Variants in CYYR1 observed in about 807,000 individuals in gnomAD.
CYYR1 encodes the protein cysteine and tyrosine-rich protein 1.
CYYR1 carries 14 observed loss-of-function variants against 15.2 expected under a neutral mutation model. The ratio of observed to expected loss-of-function variants is 0.92; its 90% CI spans 0.61 to 1.44. CYYR1 has a LOEUF of 1.44. CYYR1 is among the 40% of genes most tolerant of loss of function. CYYR1 has a pLI of 0.00. For missense variants in CYYR1, 228 were observed against 209.5 expected, an observed-to-expected ratio of 1.09 and a Z score of -0.54; for synonymous variants, 80 against 77.4, an observed-to-expected ratio of 1.03 and a Z score of -0.18.
intron 2 of CYYR1, among the ~76,000 whole-genome samples, chr21:26,527,169 TG>T (rs2065877395): frequency 6.6e-6 from 1 of 152,202 alleles, no homozygotes; most frequent in Admixed American, 6.5e-5. Context: ...TTTGGACATT[TG>T]GAACAAATTA....
chr21:26,551,319 C>G (rs1158925465), intron 2 of CYYR1: 2 of 152,684 alleles, frequency 1.3e-5, no homozygotes, highest in African/African-American at 4.8e-5. Context: ...CCGTTCTGTA[C>G]TCCATGGATC....
chr21:26,519,047 T>C (rs1012493180), intron 2 of CYYR1, among the ~76,000 whole-genome samples: 2 of 152,224 alleles, frequency 1.3e-5, no homozygotes, highest in African/African-American at 2.4e-5. Context: ...CCAAGTCTTA[T>C]ACATTTTTGT....
chr21:26,485,688 A>G (rs1421904863), intron 2 of CYYR1, among the ~76,000 whole-genome samples: 4 of 152,128 alleles, frequency 2.6e-5, no homozygotes, highest in African/African-American at 9.6e-5. Flanking sequence ...GCAGTCCATG[A>G]TATGGCTATA....
chr21:26,543,252 T>A (rs759506865), intron 2 of CYYR1, among the ~76,000 whole-genome samples: 1 of 152,098 alleles, frequency 6.6e-6, no homozygotes, highest in African/African-American at 2.4e-5. Context: ...AATACCTAAG[T>A]GGTGGGTTGA....
At chr21:26,493,506 A>G (rs961590417) in intron 2 of CYYR1, among the ~76,000 whole-genome samples, 1 of 152,170 alleles carries the variant, frequency 6.6e-6, no homozygotes, top group African/African-American at 2.4e-5. Context: ...ACCAAGTTCA[A>G]ACTCCTAAAG....
chr21:26,567,045 G>C (rs932163593), intron 1 of CYYR1, among the ~76,000 whole-genome samples: 7 of 151,092 alleles, frequency 4.6e-5, no homozygotes, highest in Admixed American at 4.6e-4. Context: ...TCTTACTTTA[G>C]GGTCTTGTAT....
intron 2 of CYYR1, among the ~76,000 whole-genome samples, chr21:26,515,521 C>T (rs1360440024): frequency 2.6e-5 from 4 of 151,922 alleles, no homozygotes; most frequent in African/African-American, 4.8e-5. Flanking sequence ...CCATCATGCC[C>T]GGCTAATTTT....
intron 2 of CYYR1, chr21:26,551,417 G>C (rs1288810567): frequency 6.6e-6 from 1 of 152,558 alleles, no homozygotes; most frequent in Admixed American, 6.5e-5. Context: ...TCCTGTGATG[G>C]ATCCGGGCAA....
chr21:26,504,224 G>GTATGTATTTATTTATTTATT (rs71329838), intron 2 of CYYR1, among the ~76,000 whole-genome samples: 2 of 150,444 alleles, frequency 1.3e-5, no homozygotes, highest in African/African-American at 4.9e-5. Flanking sequence ...TCTTTGTGAT[G>GTATGTATTTATTTATTTATT]TATTTATTTA....
At chr21:26,557,824 C>A (rs181314466) in intron 2 of CYYR1, among the ~76,000 whole-genome samples, 1 of 53,278 alleles carries the variant, frequency 1.9e-5, no homozygotes, top group African/African-American at 4.0e-5. Context: ...TCATACCCTA[C>A]AGGCTTTTCC....
In CYYR1 at chr21:26,467,254, TCA is replaced by T. The variant is rs2123343789; in HGVS notation, c.*1245_*1246del. The T allele has an allele frequency of 6.6e-6, 1 of 152,314 alleles. No individual in the cohort carries two copies. The highest frequency in any genetic ancestry group is 1.9e-4 in the East Asian group (1 of 5,186). 9.4% of individuals were successfully genotyped at this position (152,314 alleles called of 1,614,324 possible). A position where few individuals can be genotyped will look rare whatever the true frequency, so the allele number is the denominator to read the frequency against. ...ATAAAAATATAAATGTTAAGGTCAC[TCA>T]CAGCAAAATATGGCACATTAGAATT... is the stretch of plus-strand genomic sequence containing the variant. On this transcript the variant is annotated 3_prime_UTR_variant, in exon 4 of 4. Transcript: ENST00000652641.
chr21:26,503,298 T>G (rs1053286611), intron 2 of CYYR1, among the ~76,000 whole-genome samples: 6 of 152,148 alleles, frequency 3.9e-5, no homozygotes, highest in Admixed American at 2.0e-4. Context: ...TGTTTCACTT[T>G]TTAAAAAAAG....
At chr21:26,479,640 TAA>T (rs1392692496) in intron 3 of CYYR1, among the ~76,000 whole-genome samples, 1 of 152,188 alleles carries the variant, frequency 6.6e-6, no homozygotes, top group Non-Finnish European at 1.5e-5. Flanking sequence ...GTCAAATTAT[TAA>T]TATATTGCCC....
rs1022050534 is a variant in CYYR1, at chr21:26,572,749, GTCTGCAAAGGTCCT to G, written c.73+105_73+118del. On this transcript the variant is annotated intron_variant, in intron 1 of 3. Coordinates refer to ENST00000652641, the MANE Select transcript of CYYR1 (RefSeq NM_001320768.2). ...GTCGCCTCGCGGAAAAGGCAGAAGC[GTCTGCAAAGGTCCT>G]TCTGCAAAGGTCCCGGTCCGTCCAG... The G allele has an allele frequency of 9.1e-5, 113 of 1,236,770 alleles. No individual in the cohort carries two copies. The African/African-American group carries it at 1.5e-3, about 16-fold the overall frequency. The allele number at this position is 1,236,770 out of a possible 1,614,324, so 76.6% of individuals were successfully genotyped here.
intron 2 of CYYR1, among the ~76,000 whole-genome samples, chr21:26,515,559 G>T (rs1299384642): frequency 2.6e-5 from 4 of 151,954 alleles, no homozygotes; most frequent in Non-Finnish European, 4.4e-5. Flanking sequence ...ATGGGGTTTT[G>T]TCATGTTGCC....
intron 2 of CYYR1, among the ~76,000 whole-genome samples, chr21:26,485,953 C>T (rs529598769): frequency 1.3e-5 from 2 of 152,180 alleles, no homozygotes; most frequent in South Asian, 2.1e-4. Flanking sequence ...GTTTTATAAT[C>T]TGTTTTTTAG....
chr21:26,556,969 G>A (rs1275421130), intron 2 of CYYR1, among the ~76,000 whole-genome samples: 1 of 152,102 alleles, frequency 6.6e-6, no homozygotes, highest in Non-Finnish European at 1.5e-5. Flanking sequence ...TTCACTCATG[G>A]CATCTTGAAA....
chr21:26,504,723 G>T (rs772900150), intron 2 of CYYR1, among the ~76,000 whole-genome samples: 3 of 151,994 alleles, frequency 2.0e-5, no homozygotes, highest in African/African-American at 4.8e-5. Flanking sequence ...TATAGTCACC[G>T]TATTGTGCTA....
At chr21:26,566,965 T>C (rs1980670837) in intron 1 of CYYR1, among the ~76,000 whole-genome samples, 2 of 147,454 alleles carry the variant, frequency 1.4e-5, no homozygotes, top group South Asian at 4.2e-4. Flanking sequence ...GCCGAGATCA[T>C]GCCACTGCAC....
Sources: gnomAD v4.1 joint callset for allele counts (sites outside exome capture counted in the v4.1 genomes callset) on GRCh38, gnomAD v4.1.1 for gene constraint, MANE v1.5 for transcripts, NCBI Gene and HGNC (gene_info 2026-07-23, HGNC 2026-07-21) for gene names.